PPIG: variants seen among roughly 807,000 people sequenced by gnomAD.
PPIG encodes peptidyl-prolyl cis-trans isomerase G.
PPIG carries 26 observed loss-of-function variants against 87.9 expected under a neutral mutation model. That is an observed-to-expected ratio of 0.30 (90% CI 0.22 to 0.41). The LOEUF is 0.41. PPIG is among the 10% of genes least tolerant of loss of function. PPIG has a pLI of 1.00. For synonymous variants in PPIG, 308 were observed against 276.5 expected, an observed-to-expected ratio of 1.11 and a Z score of -1.13; for missense variants, 722 against 879.4, an observed-to-expected ratio of 0.82 and a Z score of 2.26.
chr2:169,627,561 C>T (rs1325184068), intron 9 of PPIG, among the ~76,000 whole-genome samples: 2 of 152,040 alleles, frequency 1.3e-5, no homozygotes, highest in East Asian at 3.9e-4. Context: ...GGTTCTCACT[C>T]TGTTCCCCAG....
At position 169,636,862 on chromosome 2, in the gene PPIG, G is replaced by A. The variant is rs1278361290; in HGVS notation, c.1604G>A (p.Ser535Asn). 3 of 1,613,800 alleles carry A rather than the reference G, an allele frequency of 1.9e-6. No individual in the cohort carries two copies. The highest frequency in any genetic ancestry group is 1.1e-5 in the South Asian group (1 of 91,056). ...AGTAATGAGCATGATCACAGTAAAA[G>A]TAAGGAAAAGGATAGACGCGCACAA... The part of the protein sequence containing the change: ...SKSNEHDHSK[S>N]KEKDRRAQSR... The change falls in exon 14 of 14, where the codon AGT becomes AAT. Residue 535 changes from serine to asparagine, a missense_variant. By Grantham distance (46) the Ser-to-Asn change is conservative. Transcript: ENST00000260970.
intron 1 of PPIG, among the ~76,000 whole-genome samples, chr2:169,597,352 GATGCTAC>G (rs1308531449): frequency 6.6e-6 from 1 of 152,038 alleles, no homozygotes; most frequent in Non-Finnish European, 1.5e-5. Flanking sequence ...GGAGTGCAGT[GATGCTAC>G]CATAGCTCAC....
intron 1 of PPIG, among the ~76,000 whole-genome samples, chr2:169,597,357 T>C (rs1685047047): frequency 6.6e-6 from 1 of 152,010 alleles, no homozygotes; most frequent in Non-Finnish European, 1.5e-5. Context: ...GCAGTGATGC[T>C]ACCATAGCTC....
chr2:169,596,056 G>A (rs1376205609), intron 1 of PPIG, among the ~76,000 whole-genome samples: 4 of 149,380 alleles, frequency 2.7e-5, no homozygotes, highest in Admixed American at 1.3e-4. Context: ...CACCCGCCTC[G>A]GCCTCCCAAA....
chr2:169,630,724 CAA>C (rs1686023619), intron 9 of PPIG, 48 bp from the exon 10 acceptor site: 1 of 1,473,564 alleles, frequency 6.8e-7, no homozygotes, highest in African/African-American at 1.4e-5. Context: ...TCTCCTTCCA[CAA>C]AGTTTGTCTA....
At chr2:169,595,565 C>G (rs1684993995) in intron 1 of PPIG, among the ~76,000 whole-genome samples, 1 of 152,126 alleles carries the variant, frequency 6.6e-6, no homozygotes, top group Non-Finnish European at 1.5e-5. Flanking sequence ...CCCCATTACC[C>G]TCTCAAGTGT....
At chr2:169,586,894 A>T (rs1398572945) in intron 1 of PPIG, among the ~76,000 whole-genome samples, 1 of 152,138 alleles carries the variant, frequency 6.6e-6, no homozygotes, top group African/African-American at 2.4e-5. Flanking sequence ...GTTTGTTGCA[A>T]GTCTTTCTGT....
intron 1 of PPIG, among the ~76,000 whole-genome samples, chr2:169,592,716 G>A (rs569275879): frequency 2.6e-5 from 4 of 151,916 alleles, no homozygotes; most frequent in East Asian, 1.9e-4. Context: ...CTGGGATTAC[G>A]GGTGTGAACC....
intron 1 of PPIG, among the ~76,000 whole-genome samples, chr2:169,590,129 CAAAAA>C (rs59876325): frequency 7.2e-6 from 1 of 139,342 alleles, no homozygotes; most frequent in Admixed American, 7.2e-5. Flanking sequence ...CGACAACAAC[CAAAAA>C]AAAAAAAGAA....
rs1685402587 is a variant in PPIG at position 169,608,667 on chromosome 2, A to G, written c.290-4A>G. 2.5e-6 allele frequency: 4 copies of G among 1,601,114 alleles called. No individual in the cohort carries two copies. The highest frequency in any genetic ancestry group is 3.4e-6 in the Non-Finnish European group (4 of 1,168,638). ...ATGTAACTGAAAACTTTACTTCTCT[A>G]TAGACGAGAGTTTCGCTGTTAAACA... On this transcript the variant is annotated splice_region_variant and splice_polypyrimidine_tract_variant and intron_variant, in intron 6 of 13. Transcript: ENST00000260970.
intron 9 of PPIG, among the ~76,000 whole-genome samples, chr2:169,615,053 T>G (rs374498958): frequency 2.0e-5 from 3 of 151,932 alleles, no homozygotes; most frequent in East Asian, 3.9e-4. Flanking sequence ...TTTTGTTGTT[T>G]GTTTGTTTGT....
intron 1 of PPIG, among the ~76,000 whole-genome samples, chr2:169,598,677 AC>A (rs1685089189): frequency 6.6e-6 from 1 of 152,024 alleles, no homozygotes; most frequent in African/African-American, 2.4e-5. Context: ...CAGTAAATGA[AC>A]AGATTTCTCA....
chr2:169,619,164 T>C lies in PPIG; in HGVS notation c.547+4440T>C, dbSNP rs545138745. On this transcript the variant is annotated intron_variant, in intron 9 of 13. Coordinates refer to ENST00000260970, the MANE Select transcript of PPIG (RefSeq NM_004792.3). ...TTAGGAGCAGGTTGTTCAGTTTCCA[T>C]GTAATTGTGCAGTTTTGAGTGAGTT... Among the ~76,000 whole-genome samples the C allele has an allele frequency of 2.8e-4, 43 of 152,294 alleles. 1 individual carries two copies. In the Middle Eastern group the frequency reaches 0.01, roughly 36 times the overall value.
At chr2:169,613,330 T>C (rs1329393590) in intron 7 of PPIG, among the ~76,000 whole-genome samples, 2 of 152,222 alleles carry the variant, frequency 1.3e-5, no homozygotes, top group Non-Finnish European at 2.9e-5. Context: ...CTATATGTTA[T>C]AATTTTTTCA....
At chr2:169,584,808 T>C in intron 1 of PPIG, 1 of 297,522 alleles carries the variant, frequency 3.4e-6, no homozygotes, top group East Asian at 1.4e-4. Flanking sequence ...CCGCACAAGC[T>C]GTAACATGGC....
rs4668148 is a variant in PPIG, at chr2:169,587,334, C to T, written c.-70+2844C>T. ...TCGGCTCACTGCAACCTCCGCCTCC[C>T]GGGTTCAAGCAATTCTTCTGCCTCA... On this transcript the variant is annotated intron_variant, in intron 1 of 13. Transcript: ENST00000260970. Among the ~76,000 whole-genome samples the T allele has an allele frequency of 1.0e-3, 153 of 152,156 alleles. 1 individual carries two copies. The highest frequency in any genetic ancestry group is 3.5e-3 in the African/African-American group (144 of 41,514).
chr2:169,593,442 C>T (rs1318894968), intron 1 of PPIG, among the ~76,000 whole-genome samples: 5 of 151,860 alleles, frequency 3.3e-5, no homozygotes, highest in Non-Finnish European at 5.9e-5. Flanking sequence ...GTGATCTACC[C>T]GCCTTGGCCT....
At chr2:169,595,756 G>T (rs1051345974) in intron 1 of PPIG, among the ~76,000 whole-genome samples, 1 of 152,096 alleles carries the variant, frequency 6.6e-6, no homozygotes, top group African/African-American at 2.4e-5. Flanking sequence ...TCTTTTTAAT[G>T]GTTAAATAGT....
At chr2:169,592,459 C>A (rs1265988076) in intron 1 of PPIG, among the ~76,000 whole-genome samples, 1 of 151,922 alleles carries the variant, frequency 6.6e-6, no homozygotes, top group Non-Finnish European at 1.5e-5. Flanking sequence ...CGCCCACCAC[C>A]ACGCCCAACT....
Sources: allele counts gnomAD v4.1 joint callset (sites outside exome capture counted in the v4.1 genomes callset), GRCh38; gene constraint gnomAD v4.1.1; transcripts MANE v1.5; gene names NCBI Gene and HGNC (gene_info 2026-07-23, HGNC 2026-07-21).